Variants in FAM193A observed in about 807,000 individuals in gnomAD.
The protein encoded by FAM193A is family with sequence similarity 193 member A, also known as protein FAM193A.
Under a neutral mutation model 126.5 loss-of-function variants are expected in FAM193A, and 22 were observed. The ratio of observed to expected loss-of-function variants is 0.17; its 90% CI spans 0.12 to 0.25. FAM193A has a LOEUF of 0.25. FAM193A is among the 10% of genes least tolerant of loss of function. The pLI is 1.00. For synonymous variants in FAM193A, 761 were observed against 646.8 expected, an observed-to-expected ratio of 1.18 and a Z score of -2.68; for missense variants, 1,675 against 1,672.8, an observed-to-expected ratio of 1.00 and a Z score of -0.02.
At chr4:2,730,117 G>A (rs1050089900) in intron 20 of FAM193A, among the ~76,000 whole-genome samples, 3 of 151,390 alleles carry the variant, frequency 2.0e-5, no homozygotes, top group Non-Finnish European at 2.9e-5. Flanking sequence ...TGTGTTGCAC[G>A]GGCTGGTCTC....
At chr4:2,648,217 T>G (rs1311808308) in intron 7 of FAM193A, among the ~76,000 whole-genome samples, 2 of 152,200 alleles carry the variant, frequency 1.3e-5, no homozygotes, top group Non-Finnish European at 2.9e-5. Context: ...CTGCATCAGC[T>G]TCAGTGGAGT....
intron 13 of FAM193A, among the ~76,000 whole-genome samples, chr4:2,677,456 G>T (rs758733642): frequency 1.5e-4 from 22 of 151,716 alleles, no homozygotes; most frequent in Non-Finnish European, 2.8e-4. Context: ...GATTGTTTGG[G>T]TTGGCCGGGC....
chr4:2,580,987 G>A (rs1014490721), intron 1 of FAM193A, among the ~76,000 whole-genome samples: 1 of 151,918 alleles, frequency 6.6e-6, no homozygotes, highest in Non-Finnish European at 1.5e-5. Context: ...AAATTAGCCG[G>A]GTGTGGTGGC....
chr4:2,541,571 G>T (rs1280856184), intron 1 of FAM193A, among the ~76,000 whole-genome samples: 1 of 150,494 alleles, frequency 6.6e-6, no homozygotes, highest in African/African-American at 2.4e-5. Context: ...TCAGCCTCCT[G>T]AGTAGCTGGG....
At chr4:2,583,927 A>G (rs558356900) in intron 1 of FAM193A, among the ~76,000 whole-genome samples, 1 of 152,334 alleles carries the variant, frequency 6.6e-6, no homozygotes, top group East Asian at 1.9e-4. Context: ...CTAGGGCAGA[A>G]GACAGAAGCA....
chr4:2,727,070 C>T (rs1438213883), intron 20 of FAM193A, among the ~76,000 whole-genome samples: 1 of 152,042 alleles, frequency 6.6e-6, no homozygotes, highest in Non-Finnish European at 1.5e-5. Context: ...ACCATTCTGG[C>T]CAACATGGTG....
intron 6 of FAM193A, among the ~76,000 whole-genome samples, chr4:2,641,824 C>G (rs902991600): frequency 1.3e-5 from 2 of 152,096 alleles, no homozygotes; most frequent in Non-Finnish European, 2.9e-5. Context: ...AGATCAGAAG[C>G]TACACGTGCT....
chr4:2,666,537 T>A (rs774944768), intron 12 of FAM193A, among the ~76,000 whole-genome samples: 3 of 152,230 alleles, frequency 2.0e-5, no homozygotes, highest in Non-Finnish European at 2.9e-5. Context: ...ATAGGATGAG[T>A]TAGGAAATGT....
At chr4:2,619,830 G>T (rs1490559955) in intron 2 of FAM193A, among the ~76,000 whole-genome samples, 1 of 152,056 alleles carries the variant, frequency 6.6e-6, no homozygotes, top group Non-Finnish European at 1.5e-5. Flanking sequence ...GGCTGGGATT[G>T]CAGGCTTGTG....
chr4:2,642,782 G>T (rs1326865760), intron 6 of FAM193A, among the ~76,000 whole-genome samples: 4 of 150,394 alleles, frequency 2.7e-5, no homozygotes, highest in African/African-American at 9.8e-5. Flanking sequence ...GCCCAGGCTG[G>T]AGTGCAGTGG....
At chr4:2,642,778 G>C (rs1317367543) in intron 6 of FAM193A, among the ~76,000 whole-genome samples, 3 of 150,186 alleles carry the variant, frequency 2.0e-5, no homozygotes, top group Non-Finnish European at 4.4e-5. Context: ...TGTCGCCCAG[G>C]CTGGAGTGCA....
At chr4:2,614,582 T>C (rs1474616992) in intron 2 of FAM193A, among the ~76,000 whole-genome samples, 1 of 152,202 alleles carries the variant, frequency 6.6e-6, no homozygotes, top group African/African-American at 2.4e-5. Flanking sequence ...TTGTCTCACA[T>C]CTTTGTGTGG....
rs748099791 is a variant in FAM193A at position 2,659,865 on chromosome 4, A to AC, written c.1563dup (p.Val522ArgfsTer3). ...CACATCCTCACGTGTGGTATCATGG[A>AC]CCCCCCCGTCACTGATGACATCCAC... On this transcript the variant is annotated frameshift_variant, in exon 10 of 21. Transcript: ENST00000637812. LOFTEE classifies it high-confidence loss of function. 1.2e-6 allele frequency: 2 copies of AC among 1,612,630 alleles called. No homozygotes were observed. Among genetic ancestry groups the AC allele is most frequent in the Non-Finnish European group, 8.5e-7 (1 of 1,179,626 alleles).
At chr4:2,632,146 A>C (rs922156024) in intron 5 of FAM193A, among the ~76,000 whole-genome samples, 1 of 152,144 alleles carries the variant, frequency 6.6e-6, no homozygotes, top group African/African-American at 2.4e-5. Context: ...AGGGCATCAC[A>C]TGGCGAGAGG....
chr4:2,629,860 G>A (rs1406092194), intron 4 of FAM193A, among the ~76,000 whole-genome samples: 5 of 152,146 alleles, frequency 3.3e-5, no homozygotes, highest in Admixed American at 3.3e-4. Flanking sequence ...GGCCGGGTGC[G>A]GTGGCTCACG....
chr4:2,655,788 A>G lies in FAM193A; in HGVS notation c.1312-2015A>G, dbSNP rs368597827. ...CTCTACAAGGAAAAAAAAATTAGCCAGGTGTGGTGGTGTGTGCCTGTGGTC... is the reference window on the plus strand; with the variant it reads ...CTCTACAAGGAAAAAAAAATTAGCCGGGTGTGGTGGTGTGTGCCTGTGGTC... On this transcript the variant is annotated intron_variant, in intron 7 of 20. Coordinates refer to ENST00000637812, the MANE Select transcript of FAM193A (RefSeq NM_001366318.2). Among the ~76,000 whole-genome samples the G allele has an allele frequency of 4.0e-5, 6 of 151,702 alleles. No individual in the cohort carries two copies. In the South Asian group the frequency reaches 1.3e-3, roughly 32 times the overall value.
chr4:2,592,577 T>G (rs1205527459), intron 1 of FAM193A, among the ~76,000 whole-genome samples: 2 of 152,108 alleles, frequency 1.3e-5, no homozygotes, highest in East Asian at 1.9e-4. Flanking sequence ...AGAAGAAGAA[T>G]AACCGCGGCA....
At chr4:2,720,640 C>T (rs1166062344) in intron 20 of FAM193A, among the ~76,000 whole-genome samples, 1 of 142,350 alleles carries the variant, frequency 7.0e-6, no homozygotes, top group African/African-American at 2.6e-5. Context: ...AACAGTGAGA[C>T]TCTGTCTAAA....
At chr4:2,680,665 G>A (rs929739664) in intron 13 of FAM193A, among the ~76,000 whole-genome samples, 1 of 149,624 alleles carries the variant, frequency 6.7e-6, no homozygotes, top group Non-Finnish European at 1.5e-5. Flanking sequence ...TTTTTGAGAC[G>A]GAGTCTTGCT....
Sources: allele counts gnomAD v4.1 joint callset (sites outside exome capture counted in the v4.1 genomes callset), GRCh38; gene constraint gnomAD v4.1.1; transcripts MANE v1.5; gene names NCBI Gene and HGNC (gene_info 2026-07-23, HGNC 2026-07-21).